Variants in PSMD7 observed in about 807,000 individuals in gnomAD.
PSMD7 encodes 26S proteasome non-ATPase regulatory subunit 7.
In PSMD7, 13 loss-of-function variants were observed where a neutral mutation model predicts 36.4. The ratio of observed to expected loss-of-function variants is 0.36; its 90% CI spans 0.23 to 0.57. PSMD7 has a LOEUF of 0.57. Among genes scored for constraint, PSMD7 ranks in the 20% least tolerant of loss-of-function variants. The pLI is 0.83. For missense variants in PSMD7, 298 were observed against 393.6 expected (o/e 0.76, Z 2.06); for synonymous variants, 186 against 151.0 (o/e 1.23, Z -1.70).
Position 74,296,819 on chromosome 16 carries a change from A to T in PSMD7, c.-96A>T, listed in dbSNP as rs936730568. The T allele has an allele frequency of 7.5e-7, 1 of 1,341,620 alleles. No individual in the cohort carries two copies. Among genetic ancestry groups the T allele is most frequent in the Non-Finnish European group, 1.0e-6 (1 of 952,532 alleles). The allele number at this position is 1,341,620 out of a possible 1,614,324, so 83.1% of individuals were successfully genotyped here. A position where few individuals can be genotyped will look rare whatever the true frequency, so the allele number is the denominator to read the frequency against. The stretch of plus-strand genomic sequence containing the variant: ...CGCGCGAGGGCTGACGAACCGGAAG[A>T]AGAGGAACTGGGCCTGAAAGGGTAC... On this transcript the variant is annotated 5_prime_UTR_variant, in exon 1 of 7. Coordinates refer to ENST00000219313, the MANE Select transcript of PSMD7 (RefSeq NM_002811.5).
chr16:74,304,453 G>A, intron 6 of PSMD7, 59 bp downstream of exon 6: 2 of 1,484,398 alleles, frequency 1.3e-6, no homozygotes, highest in Non-Finnish European at 1.9e-6. Context: ...ACAGTGTAAG[G>A]AAGAGGTCTG....
At chr16:74,301,434 A>T in intron 3 of PSMD7, 121 bp from the exon 4 acceptor site, 1 of 721,308 alleles carries the variant, frequency 1.4e-6, no homozygotes, top group East Asian at 2.6e-5. Context: ...CCACCAGGGT[A>T]AATATGTCTG....
chr16:74,296,913 C>T lies in PSMD7; in HGVS notation c.-2C>T, dbSNP rs1169917072. ...CAGGCCTGGCGAGCGGGGTGTGTCG[C>T]GATGCCGGAGCTGGCAGTGCAGAAG... On this transcript the variant is annotated 5_prime_UTR_variant, in exon 1 of 7. Transcript: ENST00000219313. The T allele has an allele frequency of 1.2e-6, 2 of 1,613,144 alleles. No homozygotes were observed. The highest frequency in any genetic ancestry group is 1.7e-6 in the Non-Finnish European group (2 of 1,179,756).
At chr16:74,302,189 G>C (rs1310606551) in intron 4 of PSMD7, 23 bp from the exon 5 acceptor site, 1 of 1,606,224 alleles carries the variant, frequency 6.2e-7, no homozygotes, top group Admixed American at 1.7e-5. Flanking sequence ...GAGATGACTT[G>C]CTAAGATGTG....
chr16:74,303,738 T>G (rs2034173810), intron 5 of PSMD7, among the ~76,000 whole-genome samples: 1 of 152,136 alleles, frequency 6.6e-6, no homozygotes, highest in South Asian at 2.1e-4. Flanking sequence ...CTTTTTTTTT[T>G]TTTAAGACAA....
intron 5 of PSMD7, 39 bp from the exon 6 acceptor site, chr16:74,304,264 G>A (rs1314718666): frequency 1.3e-6 from 2 of 1,579,478 alleles, no homozygotes; most frequent in Non-Finnish European, 1.7e-6. Context: ...CAGTTCGTTT[G>A]TGGAAAATAA....
rs866550016 is a variant in PSMD7 at position 74,298,273 on chromosome 16, C to T, written c.74+1285C>T. 3.3e-5 allele frequency among the ~76,000 whole-genome samples: 5 copies of T among 152,088 alleles called. No individual in the cohort carries two copies. The South Asian group carries it at 1.0e-3, about 32-fold the overall frequency. ...GTTTGAGGGTGTACATCCACCACCT[C>T]TTGGCTTTGGAGTTGTTCATCCTGC... On this transcript the variant is annotated intron_variant, in intron 1 of 6. Coordinates refer to ENST00000219313, the MANE Select transcript of PSMD7 (RefSeq NM_002811.5).
At position 74,301,201 on chromosome 16, in the gene PSMD7, T is replaced by C. The variant is rs950266304; in HGVS notation, c.259+57T>C. 2.5e-6 allele frequency: 3 copies of C among 1,202,450 alleles called. No homozygotes were observed. The African/African-American group carries it at 4.5e-5, about 18-fold the overall frequency. 74.5% of individuals were successfully genotyped at this position (1,202,450 alleles called of 1,614,324 possible). Reference sequence around the variant, plus strand: ...TAGAATTGAACTGTGTGTATGGGGGTCTTCTGTTCGCTTTTCTTTAACATC... The same window carrying C: ...TAGAATTGAACTGTGTGTATGGGGGCCTTCTGTTCGCTTTTCTTTAACATC... On this transcript the variant is annotated intron_variant, in intron 3 of 6. Coordinates refer to ENST00000219313, the MANE Select transcript of PSMD7 (RefSeq NM_002811.5).
chr16:74,297,036 T>G (rs749899091), intron 1 of PSMD7, 48 bp downstream of exon 1: 1 of 1,583,310 alleles, frequency 6.3e-7, no homozygotes, highest in Non-Finnish European at 8.6e-7. Context: ...CGCTGCTGAG[T>G]CACGGGCACG....
At chr16:74,305,016 T>C (rs1250148026) in intron 6 of PSMD7, 2 of 386,748 alleles carry the variant, frequency 5.2e-6, no homozygotes, top group East Asian at 1.1e-4. Flanking sequence ...AGCAATTTTT[T>C]TTTCCTTAAG....
chr16:74,305,341 G>C lies in PSMD7; in HGVS notation c.583G>C (p.Val195Leu), dbSNP rs1300776749. The C allele has an allele frequency of 6.8e-6, 11 of 1,614,008 alleles. No homozygotes were observed. The highest frequency in any genetic ancestry group is 2.2e-5 in the East Asian group (1 of 44,878). Residue 195 changes from valine to leucine, a missense_variant, in exon 7 of 7, where the codon GTC becomes CTC. Transcript: ENST00000219313. ...GTLSQRITNQ[V>L]HGLKGLNSKL... The stretch of plus-strand genomic sequence containing the variant: ...TCTGTCCCAGCGGATCACAAACCAG[G>C]TCCATGGTTTGAAGGGACTGAACTC...
chr16:74,299,808 C>A, intron 1 of PSMD7: 1 of 445,374 alleles, frequency 2.2e-6, no homozygotes, highest in Admixed American at 3.7e-5. Flanking sequence ...AATGTGTTTT[C>A]AGACTAAGAT....
chr16:74,302,163 C>G (rs1176361396), intron 4 of PSMD7, 49 bp from the exon 5 acceptor site: 1 of 1,479,224 alleles, frequency 6.8e-7, no homozygotes, highest in Non-Finnish European at 9.4e-7. Flanking sequence ...GAAATTACCC[C>G]TTTTGTGCTG....
intron 1 of PSMD7, chr16:74,299,574 A>G (rs1485028204): frequency 2.2e-6 from 1 of 455,186 alleles, no homozygotes; most frequent in African/African-American, 2.0e-5. Flanking sequence ...TTTTGTAGAC[A>G]GGGTTTCGCC....
intron 4 of PSMD7, 152 bp from the exon 5 acceptor site, chr16:74,302,060 T>C (rs2034160106): frequency 1.5e-6 from 1 of 663,574 alleles, no homozygotes; most frequent in African/African-American, 1.8e-5. Flanking sequence ...AATGATGAGA[T>C]CATTTGAAGC....
chr16:74,305,154 G>C, intron 6 of PSMD7, 135 bp from the exon 7 acceptor site: 1 of 1,112,728 alleles, frequency 9.0e-7, no homozygotes, highest in South Asian at 2.1e-5. Context: ...TTTATCAAAT[G>C]GGGAAGTGAC....
In PSMD7 at chr16:74,304,626, T is replaced by A. The variant is rs554879259; in HGVS notation, c.530+232T>A. The A allele has an allele frequency of 4.6e-5, 19 of 415,672 alleles. 1 individual carries two copies. In the South Asian group the frequency reaches 6.1e-4, roughly 13 times the overall value. 25.7% of individuals were successfully genotyped at this position (415,672 alleles called of 1,614,324 possible). A position where few individuals can be genotyped will look rare whatever the true frequency, so the allele number is the denominator to read the frequency against. On this transcript the variant is annotated intron_variant, in intron 6 of 6. Transcript: ENST00000219313. ...AATGTCTTGAGTTACAATTTATGAC[T>A]TTGTGGATAGCATACCTTGTCTGGA...
At chr16:74,300,990 T>C (rs570377167) in intron 2 of PSMD7, 62 bp from the exon 3 acceptor site, 76 of 1,043,180 alleles carry the variant, frequency 7.3e-5, no homozygotes, top group African/African-American at 5.5e-4. Flanking sequence ...GGGTCTTCAA[T>C]TGTGACCTGT....
At chr16:74,297,040 G>C (rs557608073) in intron 1 of PSMD7, 52 bp downstream of exon 1, 5 of 1,577,422 alleles carry the variant, frequency 3.2e-6, no homozygotes, top group Non-Finnish European at 4.3e-6. Context: ...GCTGAGTCAC[G>C]GGCACGCTGG....
Sources: gnomAD v4.1 joint callset for allele counts (sites outside exome capture counted in the v4.1 genomes callset) on GRCh38, gnomAD v4.1.1 for gene constraint, MANE v1.5 for transcripts, NCBI Gene and HGNC (gene_info 2026-07-23, HGNC 2026-07-21) for gene names.